Variants in KIAA0825 observed in about 807,000 individuals in gnomAD.
KIAA0825 encodes uncharacterized protein KIAA0825.
A neutral mutation model predicts 147.6 loss-of-function variants in KIAA0825; 119 were observed. The ratio of observed to expected loss-of-function variants is 0.81; its 90% CI spans 0.69 to 0.94. The LOEUF (loss-of-function observed/expected upper bound fraction) is 0.94. Among genes scored for constraint, KIAA0825 ranks in the 40% least tolerant of loss-of-function variants. The pLI is 0.00. For missense variants in KIAA0825, 1,381 were observed against 1,472.7 expected (o/e 0.94, Z 1.02); for synonymous variants, 470 against 518.1 (o/e 0.91, Z 1.26).
chr5:94,569,387 T>A, intron 2 of KIAA0825: 1 of 385,752 alleles, frequency 2.6e-6, no homozygotes, highest in Non-Finnish European at 4.8e-6. Context: ...TAAGCCCCCA[T>A]AAATAGGAGA....
intron 20 of KIAA0825, among the ~76,000 whole-genome samples, chr5:94,218,805 A>T (rs556252305): frequency 1.3e-5 from 2 of 152,294 alleles, no homozygotes; most frequent in East Asian, 3.9e-4. Flanking sequence ...CCAGATCTCC[A>T]TCAAATTTCT....
chr5:94,613,038 G>C (rs1789325907), intron 1 of KIAA0825, among the ~76,000 whole-genome samples: 1 of 152,154 alleles, frequency 6.6e-6, no homozygotes, highest in Non-Finnish European at 1.5e-5. Flanking sequence ...ATGAGTTTAA[G>C]CTCAACCCCA....
At chr5:94,209,697 C>T (rs1356898276) in intron 20 of KIAA0825, among the ~76,000 whole-genome samples, 1 of 152,146 alleles carries the variant, frequency 6.6e-6, no homozygotes, top group African/African-American at 2.4e-5. Flanking sequence ...TAGAATCCTG[C>T]AGTAGACATC....
intron 20 of KIAA0825, among the ~76,000 whole-genome samples, chr5:94,301,853 A>G (rs1043432030): frequency 1.3e-5 from 2 of 152,166 alleles, no homozygotes; most frequent in African/African-American, 2.4e-5. Flanking sequence ...ACTAACTAAC[A>G]TAAAACAGGT....
At chr5:94,408,412 C>T (rs772011606) in intron 15 of KIAA0825, among the ~76,000 whole-genome samples, 4 of 152,016 alleles carry the variant, frequency 2.6e-5, no homozygotes, top group African/African-American at 7.3e-5. Context: ...TGCAATGGTG[C>T]GATCTTGGCT....
At chr5:94,509,343 C>T (rs1288222620) in intron 5 of KIAA0825, among the ~76,000 whole-genome samples, 1 of 152,178 alleles carries the variant, frequency 6.6e-6, no homozygotes, top group Non-Finnish European at 1.5e-5. Context: ...TGGTTCATGG[C>T]TGAGTGACCT....
chr5:94,168,043 A>G (rs1034690328), intron 20 of KIAA0825, among the ~76,000 whole-genome samples: 2 of 149,714 alleles, frequency 1.3e-5, no homozygotes, highest in African/African-American at 2.4e-5. Flanking sequence ...AATAAAATAT[A>G]TAGAAATACA....
intron 1 of KIAA0825, among the ~76,000 whole-genome samples, chr5:94,587,163 A>G (rs1014638008): frequency 2.0e-5 from 3 of 152,194 alleles, no homozygotes; most frequent in African/African-American, 7.2e-5. Context: ...CATCACTCCT[A>G]TTCAACATAG....
chr5:94,573,480 C>T (rs1285910871), intron 2 of KIAA0825, among the ~76,000 whole-genome samples: 3 of 152,116 alleles, frequency 2.0e-5, no homozygotes, highest in Admixed American at 6.5e-5. Context: ...CCATGTTGGC[C>T]TGGCTGGTCT....
At chr5:94,310,400 G>C (rs550560774) in intron 20 of KIAA0825, among the ~76,000 whole-genome samples, 1 of 151,642 alleles carries the variant, frequency 6.6e-6, no homozygotes, top group South Asian at 2.1e-4. Flanking sequence ...TCTATTTCAT[G>C]TTTTGTCATT....
intron 20 of KIAA0825, among the ~76,000 whole-genome samples, chr5:94,234,288 G>A (rs1027517194): frequency 6.6e-5 from 10 of 151,526 alleles, no homozygotes; most frequent in African/African-American, 2.2e-4. Context: ...GGAGAATGGC[G>A]TGAACCCGGG....
At chr5:94,164,995 C>G (rs575600068) in intron 20 of KIAA0825, among the ~76,000 whole-genome samples, 4 of 152,106 alleles carry the variant, frequency 2.6e-5, no homozygotes, top group Admixed American at 2.6e-4. Flanking sequence ...GCAACCAAAG[C>G]GAAAATTGAC....
At chr5:94,395,640 C>T (rs1487491478) in intron 17 of KIAA0825, among the ~76,000 whole-genome samples, 3 of 152,140 alleles carry the variant, frequency 2.0e-5, no homozygotes, top group Non-Finnish European at 4.4e-5. Flanking sequence ...GGGATTCTTA[C>T]ATTACCAGAT....
At chr5:94,555,336 T>C (rs905162560) in intron 2 of KIAA0825, among the ~76,000 whole-genome samples, 1 of 152,164 alleles carries the variant, frequency 6.6e-6, no homozygotes, top group East Asian at 1.9e-4. Flanking sequence ...CCATTCAATT[T>C]ATTTTCTCAA....
chr5:94,310,459 T>A (rs957574168), intron 20 of KIAA0825, among the ~76,000 whole-genome samples: 2 of 151,792 alleles, frequency 1.3e-5, no homozygotes, highest in African/African-American at 2.4e-5. Flanking sequence ...AATTTTATGT[T>A]CATATATGAC....
At chr5:94,267,415 C>A (rs1776781336) in intron 20 of KIAA0825, among the ~76,000 whole-genome samples, 1 of 151,872 alleles carries the variant, frequency 6.6e-6, no homozygotes, top group African/African-American at 2.4e-5. Context: ...ATACAGGTTG[C>A]TTTCCTTCCA....
At chr5:94,426,225 G>T (rs991665604) in intron 14 of KIAA0825, among the ~76,000 whole-genome samples, 1 of 151,700 alleles carries the variant, frequency 6.6e-6, no homozygotes, top group Non-Finnish European at 1.5e-5. Context: ...CAAAGGAAAA[G>T]AAATCAGTAT....
At chr5:94,403,169 T>G (rs1751616154) in intron 16 of KIAA0825, among the ~76,000 whole-genome samples, 1 of 152,120 alleles carries the variant, frequency 6.6e-6, no homozygotes, top group African/African-American at 2.4e-5. Flanking sequence ...AAGGTAATAA[T>G]TAGTGTTTGC....
At chr5:94,158,076 A>C (rs141264454) in intron 20 of KIAA0825, among the ~76,000 whole-genome samples, 1 of 152,284 alleles carries the variant, frequency 6.6e-6, no homozygotes, top group Non-Finnish European at 1.5e-5. Context: ...AGGCCCTAGA[A>C]TCACTCTGCC....
Sources: gnomAD v4.1 joint callset for allele counts (sites outside exome capture counted in the v4.1 genomes callset) on GRCh38, gnomAD v4.1.1 for gene constraint, MANE v1.5 for transcripts, NCBI Gene and HGNC (gene_info 2026-07-23, HGNC 2026-07-21) for gene names.